Variants in DPH5 observed in about 807,000 individuals in gnomAD.
The protein encoded by DPH5 is diphthamide biosynthesis 5.
Under a neutral mutation model 31.6 loss-of-function variants are expected in DPH5, and 31 were observed. The observed-to-expected ratio is 0.98, with a 90% confidence interval of 0.74 to 1.32. DPH5 has a LOEUF of 1.32. Ranked by LOEUF, DPH5 falls within the 40% of genes most tolerant of loss-of-function variation. The pLI is 0.00. For synonymous variants in DPH5, 120 were observed against 115.0 expected, an observed-to-expected ratio of 1.04 and a Z score of -0.28; for missense variants, 309 against 335.7, an observed-to-expected ratio of 0.92 and a Z score of 0.62.
At chr1:101,014,846 A>G (rs916318163) in intron 3 of DPH5, among the ~76,000 whole-genome samples, 1 of 152,238 alleles carries the variant, frequency 6.6e-6, no homozygotes, top group Non-Finnish European at 1.5e-5. Flanking sequence ...ATCTTCATCA[A>G]GAATAGATTT....
intron 4 of DPH5, among the ~76,000 whole-genome samples, chr1:101,004,814 C>G (rs1321542265): frequency 6.6e-6 from 1 of 152,108 alleles, no homozygotes. Context: ...ACTGGAGAAG[C>G]CGAACATGGG....
intron 5 of DPH5, among the ~76,000 whole-genome samples, chr1:100,998,232 C>T (rs6676834): frequency 0.1 from 15,724 of 152,038 alleles, 1,023 homozygotes; most frequent in Non-Finnish European, 0.15. Flanking sequence ...AAAGGGGGGC[C>T]GGGTGCAGTG....
At chr1:101,018,980 A>G (rs1313990925) in intron 3 of DPH5, among the ~76,000 whole-genome samples, 1 of 152,198 alleles carries the variant, frequency 6.6e-6, no homozygotes, top group Non-Finnish European at 1.5e-5. Context: ...ACATCAGGAC[A>G]TATTATCTGT....
intron 3 of DPH5, among the ~76,000 whole-genome samples, chr1:101,018,167 A>G (rs1486971648): frequency 6.6e-6 from 1 of 152,224 alleles, no homozygotes; most frequent in African/African-American, 2.4e-5. Context: ...AGGAGATCCA[A>G]AAATGTTTTG....
In DPH5 at chr1:100,989,937, ACTT is replaced by A. The variant is rs1160106909; in HGVS notation, c.*468_*470del. The A allele has an allele frequency of 1.3e-5, 2 of 154,824 alleles. No homozygotes were observed. The highest frequency in any genetic ancestry group is 4.8e-5 in the African/African-American group (2 of 41,446). 9.6% of individuals were successfully genotyped at this position (154,824 alleles called of 1,614,324 possible). On this transcript the variant is annotated 3_prime_UTR_variant, in exon 8 of 8. Coordinates refer to ENST00000370109, the MANE Select transcript of DPH5 (RefSeq NM_015958.3). ...CAAGAAACCAAGCATTGTTGAGTCA[ACTT>A]CTTTTTGGTCACTTGTTTTATACTT...
chr1:101,005,739 A>G (rs567477352), intron 4 of DPH5, among the ~76,000 whole-genome samples: 2 of 152,272 alleles, frequency 1.3e-5, no homozygotes, highest in Non-Finnish European at 2.9e-5. Context: ...TATTCATTAT[A>G]TGCATGGCAC....
At chr1:100,998,648 C>T (rs1658588793) in intron 5 of DPH5, among the ~76,000 whole-genome samples, 1 of 152,146 alleles carries the variant, frequency 6.6e-6, no homozygotes, top group East Asian at 1.9e-4. Flanking sequence ...CCATTAACTT[C>T]CATAAATATT....
intron 4 of DPH5, among the ~76,000 whole-genome samples, chr1:101,009,267 C>G (rs1659464111): frequency 6.6e-6 from 1 of 152,132 alleles, no homozygotes; most frequent in South Asian, 2.1e-4. Flanking sequence ...GCACAGGGCT[C>G]TTAGTGACAG....
intron 5 of DPH5, among the ~76,000 whole-genome samples, chr1:100,997,601 G>C (rs925279857): frequency 2.6e-5 from 4 of 152,050 alleles, no homozygotes; most frequent in African/African-American, 4.8e-5. Context: ...TTCTGACCTC[G>C]TGATCCACCC....
chr1:101,021,900 A>G, intron 2 of DPH5, 135 bp from the exon 3 acceptor site: 1 of 794,904 alleles, frequency 1.3e-6, no homozygotes, highest in South Asian at 2.4e-5. Flanking sequence ...AACCACCCAA[A>G]TGCAGATCAT....
intron 3 of DPH5, among the ~76,000 whole-genome samples, chr1:101,018,195 A>G (rs563017992): frequency 1.3e-5 from 2 of 152,320 alleles, no homozygotes; most frequent in African/African-American, 4.8e-5. Context: ...GAATCAATAA[A>G]ATAAAGTACA....
At chr1:101,025,600 A>C in intron 1 of DPH5, 83 bp downstream of exon 1, 2 of 828,778 alleles carry the variant, frequency 2.4e-6, no homozygotes, top group Non-Finnish European at 3.7e-6. Context: ...ACCTTATGTC[A>C]CGCTTAAGAA....
chr1:101,001,731 G>GT (rs1376645783), intron 4 of DPH5, 144 bp from the exon 5 acceptor site: 1 of 654,036 alleles, frequency 1.5e-6, no homozygotes, highest in African/African-American at 1.8e-5. Flanking sequence ...ACCAAAAAAG[G>GT]TAACAGGAAC....
intron 5 of DPH5, among the ~76,000 whole-genome samples, chr1:100,999,259 G>A (rs1244839504): frequency 7.9e-5 from 12 of 151,786 alleles, no homozygotes; most frequent in Admixed American, 5.9e-4. Flanking sequence ...AGACCAGCCT[G>A]GGCAACATGG....
rs1461542885 is a variant in DPH5, at chr1:101,013,693, C to G, written c.369+17G>C. 5 of 1,487,312 alleles carry G rather than the reference C, an allele frequency of 3.4e-6. No homozygotes were observed. The East Asian group carries it at 1.2e-4, about 34-fold the overall frequency. The allele number at this position is 1,487,312 out of a possible 1,614,324, so 92.1% of individuals were successfully genotyped here. On this transcript the variant is annotated intron_variant, in intron 4 of 7. Transcript: ENST00000370109. Reference sequence around the variant, plus strand: ...TTTTTATTTAATTCCACTGAAAAACCTCCTTTGTTGCATTACCTGTAAACC... The same window carrying G: ...TTTTTATTTAATTCCACTGAAAAACGTCCTTTGTTGCATTACCTGTAAACC...
chr1:101,024,828 A>T (rs1286657673), intron 2 of DPH5: 2 of 157,278 alleles, frequency 1.3e-5, no homozygotes, highest in Non-Finnish European at 2.8e-5. Context: ...TATAAGCCTT[A>T]TTGGGAGATA....
intron 6 of DPH5, 53 bp downstream of exon 6, chr1:100,995,057 G>C (rs1658219339): frequency 1.6e-6 from 2 of 1,282,954 alleles, no homozygotes; most frequent in Middle Eastern, 3.7e-4. Flanking sequence ...AGAATGTATT[G>C]AATTGTTCAA....
At position 101,024,660 on chromosome 1, in the gene DPH5, C is replaced by G. The variant is rs139625786; in HGVS notation, c.135+649G>C. On this transcript the variant is annotated intron_variant, in intron 2 of 7. Coordinates refer to ENST00000370109, the MANE Select transcript of DPH5 (RefSeq NM_015958.3). The stretch of plus-strand genomic sequence containing the variant: ...AGTTTGACAATGAACCTGAAGTTGA[C>G]CCTTCCCCCAAATTTACTGGGCCCT... 8.0e-3 allele frequency among the ~76,000 whole-genome samples: 1,222 copies of G among 152,286 alleles called. 13 individuals are homozygous for G. The highest frequency in any genetic ancestry group is 0.028 in the African/African-American group (1,158 of 41,554).
At chr1:101,022,454 TAG>T (rs1469763712) in intron 2 of DPH5, among the ~76,000 whole-genome samples, 1 of 152,216 alleles carries the variant, frequency 6.6e-6, no homozygotes, top group Non-Finnish European at 1.5e-5. Flanking sequence ...ACAAATCCAG[TAG>T]AGAGTGAGCT....
Sources: gnomAD v4.1 joint callset for allele counts (sites outside exome capture counted in the v4.1 genomes callset) on GRCh38, gnomAD v4.1.1 for gene constraint, MANE v1.5 for transcripts, NCBI Gene and HGNC (gene_info 2026-07-23, HGNC 2026-07-21) for gene names.